Variants in PSME3IP1 observed in about 807,000 individuals in gnomAD.
The protein encoded by PSME3IP1 is PSME3-interacting protein.
A neutral mutation model predicts 34.1 loss-of-function variants in PSME3IP1; 13 were observed. The observed-to-expected ratio is 0.38, with a 90% confidence interval of 0.25 to 0.61. The LOEUF is 0.61. PSME3IP1 is among the 20% of genes least tolerant of loss of function. The pLI, the probability that PSME3IP1 is intolerant of heterozygous loss-of-function variation, is 0.60. For missense variants in PSME3IP1, 237 were observed against 301.4 expected, an observed-to-expected ratio of 0.79 and a Z score of 1.58; for synonymous variants, 93 against 114.3, an observed-to-expected ratio of 0.81 and a Z score of 1.19.
At chr16:57,173,641 A>G in intron 2 of PSME3IP1, 87 bp downstream of exon 2, 1 of 1,507,746 alleles carries the variant, frequency 6.6e-7, no homozygotes, top group Non-Finnish European at 9.0e-7. Context: ...AAAAATAAAT[A>G]AATAAAACCA....
At position 57,185,859 on chromosome 16, in the gene PSME3IP1, G is replaced by A. The variant is rs1242228218; in HGVS notation, c.-54C>T. The A allele has an allele frequency of 4.1e-6, 4 of 984,742 alleles. No homozygotes were observed. Among genetic ancestry groups the A allele is most frequent in the East Asian group, 1.1e-4 (1 of 8,780 alleles). 61.0% of individuals were successfully genotyped at this position (984,742 alleles called of 1,614,324 possible). ...GGAGGCGAGACGACCTCACCTCGGC[G>A]GCGCCCACCCCAAACCGCCACCGCA... On this transcript the variant is annotated 5_prime_UTR_variant, in exon 1 of 7. Coordinates refer to ENST00000309137, the MANE Select transcript of PSME3IP1 (RefSeq NM_024946.4).
At chr16:57,182,101 G>C (rs536152889) in intron 1 of PSME3IP1, among the ~76,000 whole-genome samples, 1 of 152,116 alleles carries the variant, frequency 6.6e-6, no homozygotes, top group Non-Finnish European at 1.5e-5. Flanking sequence ...CCATGCTAAA[G>C]TTACTTAGGG....
At chr16:57,174,767 C>A in intron 1 of PSME3IP1, 1 of 831,896 alleles carries the variant, frequency 1.2e-6, no homozygotes, top group Non-Finnish European at 1.4e-6. Context: ...TTCAGTTCCA[C>A]GTACTTTCCT....
intron 1 of PSME3IP1, among the ~76,000 whole-genome samples, chr16:57,184,131 G>A (rs111420583): frequency 1.3e-5 from 2 of 152,192 alleles, no homozygotes; most frequent in African/African-American, 4.8e-5. Flanking sequence ...AGATTTCAGA[G>A]GCCGAGTTTA....
At chr16:57,166,538 T>A (rs1210587577) in intron 5 of PSME3IP1, among the ~76,000 whole-genome samples, 3 of 152,122 alleles carry the variant, frequency 2.0e-5, no homozygotes, top group Non-Finnish European at 2.9e-5. Context: ...ATCAGCATCT[T>A]TCCAATGGTT....
At chr16:57,160,300 A>C (rs1391130161) in intron 6 of PSME3IP1, among the ~76,000 whole-genome samples, 1 of 151,712 alleles carries the variant, frequency 6.6e-6, no homozygotes, top group Non-Finnish European at 1.5e-5. Flanking sequence ...CCGTCTCAAA[A>C]AAAAAAAAAA....
intron 1 of PSME3IP1, among the ~76,000 whole-genome samples, chr16:57,176,127 T>G (rs1222127126): frequency 2.0e-5 from 3 of 152,160 alleles, no homozygotes; most frequent in African/African-American, 7.2e-5. Flanking sequence ...ATGCCAAAAA[T>G]TCCTCAAGTT....
At chr16:57,183,825 G>A (rs1189861083) in intron 1 of PSME3IP1, among the ~76,000 whole-genome samples, 1 of 152,162 alleles carries the variant, frequency 6.6e-6, no homozygotes, top group Non-Finnish European at 1.5e-5. Context: ...AGCCCATCCA[G>A]GGAGTGGAGT....
At position 57,173,898 on chromosome 16, in the gene PSME3IP1, A is replaced by T. The variant is rs568803980; in HGVS notation, c.-15-29T>A. ...CAAAACAAAAACAAAAACAAAAAAA[A>T]TCATTTCAAGTGAGAACTGCAATTA... On this transcript the variant is annotated intron_variant, in intron 1 of 6. Coordinates refer to ENST00000309137, the MANE Select transcript of PSME3IP1 (RefSeq NM_024946.4). 4.1e-4 allele frequency: 650 copies of T among 1,601,132 alleles called. No individual in the cohort carries two copies. The Middle Eastern group carries it at 7.3e-3, about 18-fold the overall frequency.
intron 5 of PSME3IP1, 149 bp from the exon 6 acceptor site, chr16:57,164,214 A>T: frequency 1.5e-6 from 1 of 657,550 alleles, no homozygotes; most frequent in Non-Finnish European, 2.6e-6. Flanking sequence ...TTCATTTCAG[A>T]TTCTTAATCT....
intron 1 of PSME3IP1, chr16:57,174,735 C>T (rs2073014229): frequency 1.0e-6 from 1 of 967,156 alleles, no homozygotes; most frequent in Non-Finnish European, 1.2e-6. Flanking sequence ...GAAAGTGAGA[C>T]TGGAAGAACA....
chr16:57,173,011 A>C, intron 2 of PSME3IP1, 137 bp from the exon 3 acceptor site: 2 of 624,282 alleles, frequency 3.2e-6, no homozygotes, highest in South Asian at 3.7e-5. Context: ...TGTGGATAAC[A>C]CAAAAATAGT....
At chr16:57,159,850 A>G (rs2071013668) in intron 6 of PSME3IP1, among the ~76,000 whole-genome samples, 1 of 152,184 alleles carries the variant, frequency 6.6e-6, no homozygotes, top group Non-Finnish European at 1.5e-5. Context: ...ACTTGTAGAA[A>G]TACATTTAAG....
chr16:57,172,269 T>C lies in PSME3IP1; in HGVS notation c.330A>G (p.Lys110=). The C allele has an allele frequency of 6.2e-6, 10 of 1,613,374 alleles. No individual in the cohort carries two copies. The highest frequency in any genetic ancestry group is 8.5e-6 in the Non-Finnish European group (10 of 1,179,992). ...AGGATATTCTGTATTCCTTCAGTTC[T>C]TTCAGTTCTTCTTCTCTTCGTTGCT... ...IEKQRREEEL[K]ELKEYRNNLK... Residue 110 remains lysine, a synonymous_variant, in exon 4 of 7, where the codon AAA becomes AAG. Transcript: ENST00000309137.
At chr16:57,178,856 C>T in intron 1 of PSME3IP1, 3 of 972,652 alleles carry the variant, frequency 3.1e-6, no homozygotes, top group Non-Finnish European at 3.7e-6. Context: ...GTTTATTCTG[C>T]AAGAAAGAGG....
At chr16:57,166,047 C>T (rs1419731845) in intron 5 of PSME3IP1, among the ~76,000 whole-genome samples, 1 of 152,186 alleles carries the variant, frequency 6.6e-6, no homozygotes, top group African/African-American at 2.4e-5. Flanking sequence ...GGTAGCGAGC[C>T]CTTCTCAGGA....
intron 4 of PSME3IP1, 101 bp downstream of exon 4, chr16:57,172,150 C>G (rs902604377): frequency 4.8e-6 from 6 of 1,257,604 alleles, no homozygotes; most frequent in Admixed American, 3.9e-5. Flanking sequence ...TGAGAGATCA[C>G]CAGGTAGAAA....
chr16:57,152,683 C>A lies in PSME3IP1; in HGVS notation c.*1607G>T, dbSNP rs1425105818. On this transcript the variant is annotated 3_prime_UTR_variant, in exon 7 of 7. Transcript: ENST00000309137. Reference sequence around the variant, plus strand: ...CATGCTGTAATAACAACAGGACTATCACAGGAACAATGAAGCAGAGAAGCA... The same window carrying A: ...CATGCTGTAATAACAACAGGACTATAACAGGAACAATGAAGCAGAGAAGCA... 2 of 152,664 alleles carry A rather than the reference C, an allele frequency of 1.3e-5. No homozygotes were observed. The highest frequency in any genetic ancestry group is 2.4e-5 in the African/African-American group (1 of 41,450). 9.5% of individuals were successfully genotyped at this position (152,664 alleles called of 1,614,324 possible).
chr16:57,171,476 G>T (rs1405945185), intron 4 of PSME3IP1, among the ~76,000 whole-genome samples: 1 of 152,208 alleles, frequency 6.6e-6, no homozygotes, highest in Admixed American at 6.5e-5. Context: ...TCCCTTTCTT[G>T]TCTAAGGAAT....
Sources: gnomAD v4.1 joint callset for allele counts (sites outside exome capture counted in the v4.1 genomes callset) on GRCh38, gnomAD v4.1.1 for gene constraint, MANE v1.5 for transcripts, NCBI Gene and HGNC (gene_info 2026-07-23, HGNC 2026-07-21) for gene names.